The following DPP10 variants were observed in gnomAD, a reference collection of about 807,000 sequenced individuals.
DPP10 encodes dipeptidyl peptidase like 10, also known as inactive dipeptidyl peptidase 10.
Under a neutral mutation model 120.9 loss-of-function variants are expected in DPP10, and 33 were observed. That is an observed-to-expected ratio of 0.27 (90% confidence interval 0.21 to 0.37). DPP10 has a LOEUF of 0.37. Ranked by LOEUF, DPP10 falls within the 10% of genes least tolerant of loss-of-function variation. The pLI is 1.00. For missense variants in DPP10, 816 were observed against 942.8 expected (o/e 0.87, Z 1.76); for synonymous variants, 337 against 326.1 (o/e 1.03, Z -0.36).
At chr2:115,301,025 C>G (rs1465959754) in intron 1 of DPP10, among the ~76,000 whole-genome samples, 1 of 151,960 alleles carries the variant, frequency 6.6e-6, no homozygotes, top group African/African-American at 2.4e-5. Flanking sequence ...TTTTCTCAGG[C>G]ATTTTCTAGG....
intron 1 of DPP10, among the ~76,000 whole-genome samples, chr2:114,535,417 C>T (rs1331369671): frequency 6.6e-6 from 1 of 152,244 alleles, no homozygotes; most frequent in South Asian, 2.1e-4. Context: ...CTCTCTACCT[C>T]GTAATTTCCT....
Position 115,123,777 on chromosome 2 carries a change from T to C in DPP10, c.61-185462T>C, listed in dbSNP as rs569317767. On this transcript the variant is annotated intron_variant, in intron 1 of 25. Coordinates refer to ENST00000410059, the MANE Select transcript of DPP10 (RefSeq NM_020868.6). The stretch of plus-strand genomic sequence containing the variant: ...TGCTGTGCTCATGTCTCCCTAACTA[T>C]CTACTCCAACAACCTCACTGGGTTG... Among the ~76,000 whole-genome samples the C allele has an allele frequency of 9.2e-5, 14 of 152,290 alleles. No individual in the cohort carries two copies. The East Asian group carries it at 2.3e-3, about 25-fold the overall frequency.
intron 1 of DPP10, among the ~76,000 whole-genome samples, chr2:115,293,543 C>G (rs866374488): frequency 6.6e-6 from 1 of 152,014 alleles, no homozygotes; most frequent in Admixed American, 6.6e-5. Context: ...GCAGTGCTTT[C>G]TTTTTTTCAC....
chr2:115,069,380 G>T (rs1294219599), intron 1 of DPP10, among the ~76,000 whole-genome samples: 1 of 151,894 alleles, frequency 6.6e-6, no homozygotes, highest in Non-Finnish European at 1.5e-5. Context: ...TTATATGTTT[G>T]TTTTGTATCC....
intron 1 of DPP10, among the ~76,000 whole-genome samples, chr2:114,475,852 T>C (rs1209407711): frequency 1.3e-5 from 2 of 152,214 alleles, no homozygotes; most frequent in African/African-American, 4.8e-5. Context: ...CTCTCTTTCC[T>C]GTGAGGGTAA....
intron 1 of DPP10, among the ~76,000 whole-genome samples, chr2:114,505,169 TA>T (rs1184481894): frequency 7.0e-6 from 1 of 142,112 alleles, no homozygotes; most frequent in African/African-American, 2.6e-5. Flanking sequence ...CAAAACAAAA[TA>T]AAAAAATATA....
intron 1 of DPP10, among the ~76,000 whole-genome samples, chr2:114,916,470 T>G (rs1267734728): frequency 6.6e-6 from 1 of 152,220 alleles, no homozygotes; most frequent in African/African-American, 2.4e-5. Flanking sequence ...TAACTCATTC[T>G]ATGAGGCCAG....
intron 1 of DPP10, among the ~76,000 whole-genome samples, chr2:115,158,423 A>T (rs561062043): frequency 5.9e-5 from 9 of 152,314 alleles, no homozygotes; most frequent in African/African-American, 1.9e-4. Context: ...GAAGTTTTTG[A>T]ATGGCTTCAG....
chr2:115,770,881 AT>A (rs1250832074), intron 13 of DPP10, among the ~76,000 whole-genome samples: 2 of 152,088 alleles, frequency 1.3e-5, no homozygotes, highest in Non-Finnish European at 2.9e-5. Flanking sequence ...GAAATATATG[AT>A]TTTCCCCTAA....
chr2:114,908,653 A>C (rs1694149994), intron 1 of DPP10, among the ~76,000 whole-genome samples: 1 of 151,846 alleles, frequency 6.6e-6, no homozygotes, highest in Non-Finnish European at 1.5e-5. Flanking sequence ...TTTAGGAGGC[A>C]AGATGGACAA....
At chr2:114,671,190 A>C (rs570804775) in intron 1 of DPP10, among the ~76,000 whole-genome samples, 16 of 152,292 alleles carry the variant, frequency 1.1e-4, no homozygotes, top group Non-Finnish European at 2.4e-4. Flanking sequence ...CATCTAAAAG[A>C]TGAGAAAGTT....
chr2:114,715,479 T>C (rs889752242), intron 1 of DPP10, among the ~76,000 whole-genome samples: 4 of 152,096 alleles, frequency 2.6e-5, no homozygotes, highest in African/African-American at 9.7e-5. Context: ...TTTGAATGTC[T>C]CATAAAAGAC....
At chr2:114,527,469 A>ATG (rs1685597480) in intron 1 of DPP10, among the ~76,000 whole-genome samples, 1 of 152,052 alleles carries the variant, frequency 6.6e-6, no homozygotes, top group East Asian at 1.9e-4. Flanking sequence ...AACATGATGT[A>ATG]TTAATTATGA....
chr2:114,674,889 T>G lies in DPP10; in HGVS notation c.60+232051T>G, dbSNP rs76819820. Among the ~76,000 whole-genome samples the G allele has an allele frequency of 6.1e-3, 929 of 152,316 alleles. 9 individuals carry two copies. The highest frequency in any genetic ancestry group is 0.021 in the African/African-American group (870 of 41,576). ...TAACTTGAAATTTAGAAAGTTTAGA[T>G]TACAGTTAAGACTATATATGATTAT... is the stretch of plus-strand genomic sequence containing the variant. On this transcript the variant is annotated intron_variant, in intron 1 of 25. Coordinates refer to ENST00000410059, the MANE Select transcript of DPP10 (RefSeq NM_020868.6).
intron 5 of DPP10, among the ~76,000 whole-genome samples, chr2:115,659,181 C>A (rs529339115): frequency 1.2e-4 from 18 of 152,250 alleles, no homozygotes; most frequent in African/African-American, 4.3e-4. Flanking sequence ...AGCAAGAAGG[C>A]CTGCATCAGA....
intron 1 of DPP10, among the ~76,000 whole-genome samples, chr2:114,862,056 A>T (rs2106530961): frequency 6.6e-6 from 1 of 152,314 alleles, no homozygotes; most frequent in Admixed American, 6.5e-5. Flanking sequence ...AATGACCTTC[A>T]AATCTTTTAT....
chr2:115,211,651 A>G (rs1287907356), intron 1 of DPP10, among the ~76,000 whole-genome samples: 4 of 152,002 alleles, frequency 2.6e-5, no homozygotes, highest in Non-Finnish European at 5.9e-5. Flanking sequence ...TTAATTTGGC[A>G]GTAAGATGCT....
At chr2:115,670,016 C>A (rs1424938348) in intron 5 of DPP10, among the ~76,000 whole-genome samples, 1 of 152,064 alleles carries the variant, frequency 6.6e-6, no homozygotes, top group East Asian at 1.9e-4. Flanking sequence ...GTTCTGCAGG[C>A]TGGGAAGTCT....
At chr2:115,456,386 G>C (rs1479353353) in intron 3 of DPP10, among the ~76,000 whole-genome samples, 1 of 152,192 alleles carries the variant, frequency 6.6e-6, no homozygotes, top group African/African-American at 2.4e-5. Context: ...TTAAACCATT[G>C]TGGAAGACAG....
Sources: gnomAD v4.1 joint callset for allele counts (sites outside exome capture counted in the v4.1 genomes callset) on GRCh38, gnomAD v4.1.1 for gene constraint, MANE v1.5 for transcripts, NCBI Gene and HGNC (gene_info 2026-07-23, HGNC 2026-07-21) for gene names.